The following DSCAML1 variants were observed in gnomAD, a reference collection of about 807,000 sequenced individuals.
DSCAML1 encodes cell adhesion molecule DSCAML1.
In DSCAML1, 38 loss-of-function variants were observed where a neutral mutation model predicts 200.5. The ratio of observed to expected loss-of-function variants is 0.19; its 90% CI spans 0.15 to 0.25. DSCAML1 has a LOEUF of 0.25. Among genes scored for constraint, DSCAML1 ranks in the 10% least tolerant of loss-of-function variants. DSCAML1 has a pLI of 1.00. For synonymous variants in DSCAML1, 1,215 were observed against 1,165.0 expected (o/e 1.04, Z -0.87); for missense variants, 2,223 against 2,858.8 (o/e 0.78, Z 5.07).
intron 1 of DSCAML1, among the ~76,000 whole-genome samples, chr11:117,812,192 C>T (rs140553398): frequency 0.014 from 2,130 of 152,208 alleles, 49 homozygotes; most frequent in African/African-American, 0.049. Context: ...CCCTCCTTGG[C>T]GACCAATCAT....
chr11:117,785,463 C>T (rs1036565274), intron 1 of DSCAML1, among the ~76,000 whole-genome samples: 1 of 152,066 alleles, frequency 6.6e-6, no homozygotes, highest in African/African-American at 2.4e-5. Flanking sequence ...CTGTGGAAAC[C>T]TTGCAGGCTG....
chr11:117,512,761 TCACACACACACACACACACACA>T (rs71037482), intron 8 of DSCAML1, among the ~76,000 whole-genome samples: 2 of 113,090 alleles, frequency 1.8e-5, no homozygotes, highest in East Asian at 2.6e-4. Context: ...TCCTCTAGGA[TCACACACACACACACACACACA>T]CACACACACA....
intron 3 of DSCAML1, among the ~76,000 whole-genome samples, chr11:117,746,505 G>A (rs1231933757): frequency 2.6e-5 from 4 of 152,088 alleles, no homozygotes; most frequent in Admixed American, 2.0e-4. Context: ...TGGTACCTGG[G>A]GAAGTGCTTG....
intron 19 of DSCAML1, among the ~76,000 whole-genome samples, chr11:117,456,147 G>A (rs1338592589): frequency 2.6e-5 from 4 of 152,186 alleles, no homozygotes; most frequent in Non-Finnish European, 4.4e-5. Context: ...AGGCATGCCC[G>A]CAGGAAGAGA....
chr11:117,428,867 C>A, intron 32 of DSCAML1, 64 bp from the exon 33 acceptor site: 4 of 1,442,652 alleles, frequency 2.8e-6, no homozygotes, highest in Non-Finnish European at 2.8e-6. Flanking sequence ...GCTCGTTCAG[C>A]CCCCACCCCA....
chr11:117,553,239 A>C (rs867620489), intron 3 of DSCAML1, among the ~76,000 whole-genome samples: 3 of 152,360 alleles, frequency 2.0e-5, no homozygotes, highest in African/African-American at 4.8e-5. Context: ...AATTTCTTGG[A>C]TATGACACCA....
Position 117,437,928 on chromosome 11 carries a change from T to C in DSCAML1, c.4399A>G (p.Ser1467Gly), listed in dbSNP as rs2047954948. The C allele has an allele frequency of 3.7e-6, 6 of 1,612,780 alleles. No homozygotes were observed. The Admixed American group carries it at 5.0e-5, about 13-fold the overall frequency. Residue 1467 changes from serine (S) to glycine (G), a missense_variant, in exon 25 of 33, where the codon AGC becomes GGC. Transcript: ENST00000651296. The surrounding 1 kb of genome is among the most constrained non-coding windows in gnomAD (Gnocchi z 5.3). Reference sequence around the variant, plus strand: ...TGGGTCTTGGCCTCGATGATCTCGCTGATGCGCCCAGAGCCCACGCTGTTC... The same window carrying C: ...TGGGTCTTGGCCTCGATGATCTCGCCGATGCGCCCAGAGCCCACGCTGTTC... ...AKNSVGSGRI[S>G]EIIEAKTHGR...
chr11:117,731,674 G>A (rs1482429917), intron 3 of DSCAML1, among the ~76,000 whole-genome samples: 1 of 152,182 alleles, frequency 6.6e-6, no homozygotes, highest in Non-Finnish European at 1.5e-5. Flanking sequence ...GCTCTTCCCT[G>A]TCGTTTAATA....
intron 3 of DSCAML1, among the ~76,000 whole-genome samples, chr11:117,598,196 T>G (rs1035058281): frequency 6.6e-6 from 1 of 152,208 alleles, no homozygotes; most frequent in Non-Finnish European, 1.5e-5. Flanking sequence ...GGAATGCCAG[T>G]GTAACAGATC....
At chr11:117,794,366 G>A (rs1297314558) in intron 1 of DSCAML1, among the ~76,000 whole-genome samples, 2 of 152,166 alleles carry the variant, frequency 1.3e-5, no homozygotes, top group Non-Finnish European at 2.9e-5. Context: ...TAATAAGGCA[G>A]TTATTGGAGA....
chr11:117,765,140 C>A (rs921966972), intron 3 of DSCAML1, among the ~76,000 whole-genome samples: 1 of 152,196 alleles, frequency 6.6e-6, no homozygotes, highest in African/African-American at 2.4e-5. Context: ...AGAGGAAACA[C>A]CTCAACCTTA....
chr11:117,666,051 G>A (rs561784968), intron 3 of DSCAML1, among the ~76,000 whole-genome samples: 4 of 152,260 alleles, frequency 2.6e-5, no homozygotes, highest in South Asian at 2.1e-4. Flanking sequence ...CCATCACTGC[G>A]GTCAGAGCTC....
Position 117,545,452 on chromosome 11 carries a change from G to A in DSCAML1, c.512-12930C>T, listed in dbSNP as rs574866867. Among the ~76,000 whole-genome samples, 40 of 152,246 alleles carry A rather than the reference G, an allele frequency of 2.6e-4. 1 individual carries two copies. Among genetic ancestry groups the A allele is most frequent in the Admixed American group, 2.2e-3 (33 of 15,290 alleles). The stretch of plus-strand genomic sequence containing the variant: ...ACCCAGTCTGTGGTATTGTGTTATG[G>A]CAGCCAGAGAAAATGAATACACTCC... On this transcript the variant is annotated intron_variant, in intron 3 of 32. Transcript: ENST00000651296.
intron 11 of DSCAML1, among the ~76,000 whole-genome samples, chr11:117,496,218 C>T (rs1406130191): frequency 6.6e-6 from 1 of 152,184 alleles, no homozygotes; most frequent in Non-Finnish European, 1.5e-5. Context: ...TTCCAGCTTC[C>T]TAACGAGTCT....
At chr11:117,727,299 A>C (rs2054148938) in intron 3 of DSCAML1, among the ~76,000 whole-genome samples, 1 of 152,210 alleles carries the variant, frequency 6.6e-6, no homozygotes, top group Non-Finnish European at 1.5e-5. Flanking sequence ...CTGTGGGATT[A>C]AGAGGATCCA....
intron 3 of DSCAML1, among the ~76,000 whole-genome samples, chr11:117,553,496 A>G (rs1188043467): frequency 1.3e-5 from 2 of 152,234 alleles, no homozygotes; most frequent in Non-Finnish European, 2.9e-5. Flanking sequence ...CAGTTCCCCA[A>G]AGAAGAGATA....
At chr11:117,684,015 T>C (rs538292692) in intron 3 of DSCAML1, among the ~76,000 whole-genome samples, 4 of 152,192 alleles carry the variant, frequency 2.6e-5, no homozygotes, top group Non-Finnish European at 5.9e-5. Context: ...GTGATTTTCT[T>C]ATCAATACCT....
chr11:117,756,640 T>C (rs992087089), intron 3 of DSCAML1, among the ~76,000 whole-genome samples: 1 of 151,836 alleles, frequency 6.6e-6, no homozygotes, highest in African/African-American at 2.4e-5. Context: ...ATTTTAGACA[T>C]GAGAAAGTTG....
intron 3 of DSCAML1, among the ~76,000 whole-genome samples, chr11:117,744,407 C>G (rs1224663977): frequency 6.6e-6 from 1 of 152,232 alleles, no homozygotes; most frequent in African/African-American, 2.4e-5. Context: ...GCCTGAGACC[C>G]TGCATTGCTA....
Sources: gnomAD v4.1 joint callset for allele counts (sites outside exome capture counted in the v4.1 genomes callset) on GRCh38, gnomAD v4.1.1 for gene constraint, Gnocchi (gnomAD v3.1) non-coding constraint, MANE v1.5 for transcripts, NCBI Gene and HGNC (gene_info 2026-07-23, HGNC 2026-07-21) for gene names.